CTNND2: variants seen among roughly 807,000 people sequenced by gnomAD.
CTNND2 encodes catenin delta 2, also known as catenin delta-2.
CTNND2 carries 22 observed loss-of-function variants against 144.4 expected under a neutral mutation model. That is an observed-to-expected ratio of 0.15 (90% CI 0.11 to 0.22). CTNND2 has a LOEUF of 0.22. Among genes scored for constraint, CTNND2 ranks in the 10% least tolerant of loss-of-function variants. The pLI, the probability that CTNND2 is intolerant of heterozygous loss-of-function variation, is 1.00. For synonymous variants in CTNND2, 751 were observed against 695.6 expected (o/e 1.08, Z -1.25); for missense variants, 1,353 against 1,618.8 (o/e 0.84, Z 2.82).
intron 1 of CTNND2, among the ~76,000 whole-genome samples, chr5:11,891,416 G>A (rs988961281): frequency 2.4e-4 from 37 of 152,138 alleles, no homozygotes; most frequent in African/African-American, 8.7e-4. Flanking sequence ...TAACTTGCTG[G>A]TTTCATCCTG....
chr5:11,678,589 G>C (rs1784282814), intron 2 of CTNND2, among the ~76,000 whole-genome samples: 1 of 152,104 alleles, frequency 6.6e-6, no homozygotes, highest in South Asian at 2.1e-4. Flanking sequence ...TAGCACTATT[G>C]ATCATTGATA....
intron 19 of CTNND2, among the ~76,000 whole-genome samples, chr5:10,989,309 G>GCT (rs1738401744): frequency 6.6e-6 from 1 of 152,170 alleles, no homozygotes; most frequent in Non-Finnish European, 1.5e-5. Context: ...CTGTCAGGAA[G>GCT]CTCTCCCCAG....
chr5:11,454,015 C>A (rs1196513845), intron 3 of CTNND2, among the ~76,000 whole-genome samples: 2 of 152,154 alleles, frequency 1.3e-5, no homozygotes, highest in African/African-American at 2.4e-5. Flanking sequence ...TTAAAAAGAA[C>A]AACAGGCAGA....
At chr5:11,788,802 A>G (rs1029217806) in intron 1 of CTNND2, among the ~76,000 whole-genome samples, 13 of 151,532 alleles carry the variant, frequency 8.6e-5, no homozygotes, top group Admixed American at 2.0e-4. Flanking sequence ...TACATTAGGT[A>G]TATCTCCTAA....
intron 11 of CTNND2, among the ~76,000 whole-genome samples, chr5:11,190,835 A>G (rs1226894205): frequency 2.0e-5 from 3 of 147,800 alleles, no homozygotes; most frequent in Non-Finnish European, 4.5e-5. Context: ...TAGAATCTAG[A>G]AGAGAATGGT....
chr5:11,371,779 G>C (rs1327463754), intron 7 of CTNND2, among the ~76,000 whole-genome samples: 1 of 152,100 alleles, frequency 6.6e-6, no homozygotes, highest in African/African-American at 2.4e-5. Context: ...AAGATATAAA[G>C]ACACATTTCT....
intron 12 of CTNND2, among the ~76,000 whole-genome samples, chr5:11,120,547 AT>A (rs1754013841): frequency 1.8e-5 from 1 of 56,958 alleles, no homozygotes; most frequent in East Asian, 1.0e-3. Context: ...GGGGGTTATC[AT>A]ACTGTCCGCA....
chr5:11,242,274 T>G (rs1188189435), intron 9 of CTNND2, among the ~76,000 whole-genome samples: 1 of 152,076 alleles, frequency 6.6e-6, no homozygotes, highest in African/African-American at 2.4e-5. Context: ...TTAACGAACA[T>G]TGTGTGGTTT....
Position 10,988,035 on chromosome 5 carries a change from C to G in CTNND2, c.3343+76G>C, listed in dbSNP as rs899586941. The G allele has an allele frequency of 3.0e-5, 48 of 1,585,844 alleles. No individual in the cohort carries two copies. The highest frequency in any genetic ancestry group is 4.0e-5 in the Non-Finnish European group (47 of 1,163,956). On this transcript the variant is annotated intron_variant, in intron 20 of 21. Transcript: ENST00000304623. The surrounding 1 kb of genome is among the most constrained non-coding windows in gnomAD (Gnocchi z 5.9). ...GCCAAGCGCAGCCAGCCCCGTGAAG[C>G]CTGATGTCCCATATCTCTGCCTTGT...
At chr5:11,199,748 C>T in intron 10 of CTNND2, 87 bp from the exon 11 acceptor site, 1 of 973,206 alleles carries the variant, frequency 1.0e-6, no homozygotes, top group South Asian at 1.4e-5. Context: ...AAAGTATCTG[C>T]TAACAATTAA....
At chr5:11,197,294 A>G (rs1471909541) in intron 11 of CTNND2, among the ~76,000 whole-genome samples, 3 of 152,216 alleles carry the variant, frequency 2.0e-5, no homozygotes, top group South Asian at 4.1e-4. Context: ...CAACATGAAA[A>G]TGCTCTAGAA....
intron 1 of CTNND2, among the ~76,000 whole-genome samples, chr5:11,874,919 A>C (rs901098065): frequency 2.2e-4 from 34 of 152,202 alleles, no homozygotes; most frequent in Non-Finnish European, 8.8e-5. Context: ...GACATCTTTT[A>C]AGTTACATAT....
chr5:11,744,671 G>T (rs1327571851), intron 1 of CTNND2, among the ~76,000 whole-genome samples: 2 of 29,382 alleles, frequency 6.8e-5, no homozygotes, highest in African/African-American at 8.2e-5. Flanking sequence ...GAAGAGGAGT[G>T]TGTGTGTGTG....
At chr5:11,746,200 A>G (rs1469269211) in intron 1 of CTNND2, among the ~76,000 whole-genome samples, 1 of 152,198 alleles carries the variant, frequency 6.6e-6, no homozygotes, top group Non-Finnish European at 1.5e-5. Flanking sequence ...TGTGTTGTGA[A>G]CACGCAGAGT....
At chr5:11,868,889 A>T (rs143907751) in intron 1 of CTNND2, among the ~76,000 whole-genome samples, 24 of 152,290 alleles carry the variant, frequency 1.6e-4, no homozygotes, top group African/African-American at 5.3e-4. Context: ...AATAAATGTA[A>T]GAAATACATT....
chr5:11,792,914 A>G (rs951281128), intron 1 of CTNND2, among the ~76,000 whole-genome samples: 3 of 152,248 alleles, frequency 2.0e-5, no homozygotes, highest in African/African-American at 7.2e-5. Context: ...GATAAATGGC[A>G]GAAGCCACAT....
chr5:11,142,622 T>G (rs181076492), intron 12 of CTNND2, among the ~76,000 whole-genome samples: 1 of 151,418 alleles, frequency 6.6e-6, no homozygotes, highest in Admixed American at 6.6e-5. Context: ...TTTTTTTTTT[T>G]TTTTTGTTTG....
At chr5:11,476,122 C>T (rs1306639505) in intron 3 of CTNND2, among the ~76,000 whole-genome samples, 1 of 151,664 alleles carries the variant, frequency 6.6e-6, no homozygotes, top group Non-Finnish European at 1.5e-5. Flanking sequence ...CCGCCCACCT[C>T]GGCATCCCAA....
chr5:11,204,059 A>T (rs1427011871), intron 10 of CTNND2, among the ~76,000 whole-genome samples: 11 of 152,162 alleles, frequency 7.2e-5, no homozygotes, highest in Admixed American at 7.2e-4. Flanking sequence ...AATGGCTCAC[A>T]TTTATTTTTC....
Sources: gnomAD v4.1 joint callset for allele counts (sites outside exome capture counted in the v4.1 genomes callset) on GRCh38, gnomAD v4.1.1 for gene constraint, Gnocchi (gnomAD v3.1) non-coding constraint, MANE v1.5 for transcripts, NCBI Gene and HGNC (gene_info 2026-07-23, HGNC 2026-07-21) for gene names.